The following RAB10 variants were observed in gnomAD, a reference collection of about 807,000 sequenced individuals.
RAB10 encodes RAB10, member RAS oncogene family, also known as ras-related protein Rab-10.
A neutral mutation model predicts 25.7 loss-of-function variants in RAB10; 5 were observed. The ratio of observed to expected loss-of-function variants is 0.19; its 90% CI spans 0.10 to 0.41. The LOEUF is 0.41. Ranked by LOEUF, RAB10 falls within the 10% of genes least tolerant of loss-of-function variation. The pLI, the probability that RAB10 is intolerant of heterozygous loss-of-function variation, is 1.00. For synonymous variants in RAB10, 89 were observed against 86.4 expected, an observed-to-expected ratio of 1.03 and a Z score of -0.16; for missense variants, 103 against 245.8, an observed-to-expected ratio of 0.42 and a Z score of 3.89.
chr2:26,127,330 C>A, intron 4 of RAB10, 97 bp downstream of exon 4: 2 of 892,758 alleles, frequency 2.2e-6, no homozygotes, highest in Non-Finnish European at 3.4e-6. Flanking sequence ...ACACACTAAG[C>A]TAATTACATA....
chr2:26,076,141 C>T (rs1342792197), intron 1 of RAB10, among the ~76,000 whole-genome samples: 1 of 152,102 alleles, frequency 6.6e-6, no homozygotes, highest in Non-Finnish European at 1.5e-5. Flanking sequence ...TCCTAGGCTT[C>T]CTACACATGA....
At chr2:26,110,026 A>T in intron 3 of RAB10, 120 bp downstream of exon 3, 1 of 1,147,674 alleles carries the variant, frequency 8.7e-7, no homozygotes, top group Non-Finnish European at 1.2e-6. Flanking sequence ...TTATTATTGA[A>T]GTATTTCTAT....
At chr2:26,069,622 C>T (rs1046044909) in intron 1 of RAB10, among the ~76,000 whole-genome samples, 1 of 151,942 alleles carries the variant, frequency 6.6e-6, no homozygotes, top group African/African-American at 2.4e-5. Flanking sequence ...GCCCAGATCG[C>T]ACCACTGCAC....
intron 1 of RAB10, among the ~76,000 whole-genome samples, chr2:26,078,085 C>T (rs1451334000): frequency 1.3e-5 from 2 of 152,124 alleles, no homozygotes; most frequent in Non-Finnish European, 1.5e-5. Context: ...ATTCCATTTA[C>T]AGTAGCATCA....
At chr2:26,106,533 A>AG (rs1416602325) in intron 2 of RAB10, among the ~76,000 whole-genome samples, 34 of 152,202 alleles carry the variant, frequency 2.2e-4, no homozygotes, top group Admixed American at 2.2e-3. Context: ...CTTGAGCAAT[A>AG]GGACATTCAT....
intron 1 of RAB10, among the ~76,000 whole-genome samples, chr2:26,079,719 G>A (rs1296708769): frequency 6.7e-6 from 1 of 149,314 alleles, no homozygotes. Context: ...AGGCTGGAGT[G>A]CAGTGGTGGG....
Position 26,099,893 on chromosome 2 carries a change from T to C in RAB10, c.188+1171T>C, listed in dbSNP as rs1667308126. Among the ~76,000 whole-genome samples the C allele has an allele frequency of 2.6e-5, 4 of 152,076 alleles. No homozygotes were observed. In the South Asian group the frequency reaches 8.3e-4, roughly 32 times the overall value. ...ATTTTCATTTATGTATTTCAAACTT[T>C]TATACTTTTCAACATGACTGTATCT... is the stretch of plus-strand genomic sequence containing the variant. On this transcript the variant is annotated intron_variant, in intron 2 of 5. Transcript: ENST00000264710.
intron 1 of RAB10, among the ~76,000 whole-genome samples, chr2:26,037,888 A>G (rs1418300855): frequency 6.6e-6 from 1 of 151,562 alleles, no homozygotes; most frequent in Non-Finnish European, 1.5e-5. Context: ...CCACTAAACA[A>G]TTTCTTTTTT....
At chr2:26,097,568 G>A (rs1347826916) in intron 1 of RAB10, among the ~76,000 whole-genome samples, 2 of 152,156 alleles carry the variant, frequency 1.3e-5, no homozygotes, top group Non-Finnish European at 2.9e-5. Context: ...GTGAGCCACC[G>A]TGCCTGGCAA....
intron 3 of RAB10, among the ~76,000 whole-genome samples, chr2:26,120,260 A>G (rs933822129): frequency 6.6e-6 from 1 of 152,198 alleles, no homozygotes; most frequent in Admixed American, 6.5e-5. Context: ...TAATTTGTCC[A>G]TTTAGCAGCT....
intron 2 of RAB10, among the ~76,000 whole-genome samples, chr2:26,107,819 A>T (rs1667497457): frequency 6.6e-6 from 1 of 152,028 alleles, no homozygotes; most frequent in Non-Finnish European, 1.5e-5. Flanking sequence ...CCAAAAACAA[A>T]AAACTAACAA....
chr2:26,096,667 C>T (rs1471904235), intron 1 of RAB10, among the ~76,000 whole-genome samples: 2 of 152,016 alleles, frequency 1.3e-5, no homozygotes, highest in Non-Finnish European at 1.5e-5. Context: ...GTATTTGACC[C>T]CTTCTGAAAC....
intron 3 of RAB10, among the ~76,000 whole-genome samples, chr2:26,120,723 G>A (rs1195518535): frequency 6.6e-6 from 1 of 151,686 alleles, no homozygotes; most frequent in East Asian, 1.9e-4. Flanking sequence ...CTGAGTAGCT[G>A]GGACTACAGG....
chr2:26,039,938 T>C (rs1438277330), intron 1 of RAB10, among the ~76,000 whole-genome samples: 5 of 152,154 alleles, frequency 3.3e-5, no homozygotes, highest in African/African-American at 4.8e-5. Context: ...ATTAGGCGTA[T>C]TTCTACATGG....
In RAB10 at chr2:26,034,423, G is replaced by A. The variant is rs967251830; in HGVS notation, c.-186G>A. On this transcript the variant is annotated 5_prime_UTR_variant, in exon 1 of 6. Transcript: ENST00000264710. ...GGAGCCGCGGTCGCCGCCCTCGGAGGCACTGGACGCCGCCACTGTCGGGGC... is the reference window on the plus strand; with the variant it reads ...GGAGCCGCGGTCGCCGCCCTCGGAGACACTGGACGCCGCCACTGTCGGGGC... 1 of 731,880 alleles carries A rather than the reference G, an allele frequency of 1.4e-6. No individual in the cohort carries two copies. Among genetic ancestry groups the A allele is most frequent in the East Asian group, 2.7e-5 (1 of 36,874 alleles). The allele number at this position is 731,880 out of a possible 1,614,324, so 45.3% of individuals were successfully genotyped here. A position where few individuals can be genotyped will look rare whatever the true frequency, so the allele number is the denominator to read the frequency against.
chr2:26,070,744 A>G (rs1559584132), intron 1 of RAB10, among the ~76,000 whole-genome samples: 3 of 152,234 alleles, frequency 2.0e-5, no homozygotes, highest in Non-Finnish European at 1.5e-5. Context: ...AATGTCTTTT[A>G]AGATTATTGC....
intron 1 of RAB10, among the ~76,000 whole-genome samples, chr2:26,098,350 C>CT (rs1164368697): frequency 3.3e-5 from 5 of 152,066 alleles, no homozygotes; most frequent in Admixed American, 3.3e-4. Context: ...TGTGCCCAGG[C>CT]TGGTCTCGAA....
At chr2:26,079,827 G>A (rs994843966) in intron 1 of RAB10, among the ~76,000 whole-genome samples, 3 of 151,996 alleles carry the variant, frequency 2.0e-5, no homozygotes, top group African/African-American at 7.3e-5. Context: ...CACCATGCCT[G>A]GCTAAATTTT....
chr2:26,058,941 T>C (rs1666328077), intron 1 of RAB10, among the ~76,000 whole-genome samples: 1 of 152,232 alleles, frequency 6.6e-6, no homozygotes, highest in Non-Finnish European at 1.5e-5. Flanking sequence ...CCATCTCCTT[T>C]AGAATCTGAA....
Sources: gnomAD v4.1 joint callset for allele counts (sites outside exome capture counted in the v4.1 genomes callset) on GRCh38, gnomAD v4.1.1 for gene constraint, MANE v1.5 for transcripts, NCBI Gene and HGNC (gene_info 2026-07-23, HGNC 2026-07-21) for gene names.